PIK3C2B: variants seen among roughly 807,000 people sequenced by gnomAD.
The protein encoded by PIK3C2B is phosphatidylinositol-4-phosphate 3-kinase catalytic subunit type 2 beta.
PIK3C2B carries 83 observed loss-of-function variants against 184.3 expected under a neutral mutation model. That is an observed-to-expected ratio of 0.45 (90% CI 0.38 to 0.54). PIK3C2B has a LOEUF of 0.54. PIK3C2B is among the 20% of genes least tolerant of loss of function. PIK3C2B has a pLI of 0.00. For synonymous variants in PIK3C2B, 779 were observed against 837.6 expected, an observed-to-expected ratio of 0.93 and a Z score of 1.21; for missense variants, 1,736 against 2,113.5, an observed-to-expected ratio of 0.82 and a Z score of 3.50.
intron 1 of PIK3C2B, among the ~76,000 whole-genome samples, chr1:204,483,591 G>C (rs1657361243): frequency 6.6e-6 from 1 of 152,180 alleles, no homozygotes. Flanking sequence ...TGCATGGAAT[G>C]GTTATGGGTC....
intron 1 of PIK3C2B, among the ~76,000 whole-genome samples, chr1:204,482,193 C>A (rs913099385): frequency 6.6e-6 from 1 of 151,280 alleles, no homozygotes; most frequent in Non-Finnish European, 1.5e-5. Flanking sequence ...AGTGTAGGAA[C>A]CTCTTGCCCC....
chr1:204,459,595 T>A (rs1655155048), intron 8 of PIK3C2B, among the ~76,000 whole-genome samples: 1 of 152,174 alleles, frequency 6.6e-6, no homozygotes, highest in African/African-American at 2.4e-5. Flanking sequence ...AGCTCTAGGT[T>A]CCTTAGCTCT....
chr1:204,465,643 C>G (rs927748134), intron 2 of PIK3C2B, among the ~76,000 whole-genome samples: 1 of 152,014 alleles, frequency 6.6e-6, no homozygotes, highest in Non-Finnish European at 1.5e-5. Flanking sequence ...TCCTGCAACA[C>G]GGGCTTTCCG....
intron 1 of PIK3C2B, among the ~76,000 whole-genome samples, chr1:204,482,493 A>G (rs971642909): frequency 2.7e-4 from 41 of 152,226 alleles, no homozygotes; most frequent in Admixed American, 1.0e-3. Context: ...GCAACGCCTT[A>G]AGAGAGAACT....
rs917242012 is a variant in PIK3C2B, at chr1:204,446,109, T to A, written c.2525A>T (p.Lys842Met). The A allele has an allele frequency of 6.3e-7, 1 of 1,586,826 alleles. No individual in the cohort carries two copies. Among genetic ancestry groups the A allele is most frequent in the Non-Finnish European group, 8.6e-7 (1 of 1,163,544 alleles). ...CACCTCCGAGTGGCAGTAATATCGC[T>A]TCTCCCACAGGCGCTTCTTGTCAGC... ...TDADKKRLWE[K>M]RYYCHSEVSS... Residue 842 changes from lysine to methionine, a missense_variant, in exon 16 of 33, where the codon AAG becomes ATG. Physicochemically the swap from Lys to Met is moderately conservative, Grantham distance 95 (BLOSUM62 -1). Coordinates refer to ENST00000684373, the MANE Select transcript of PIK3C2B (RefSeq NM_001377334.1).
At chr1:204,427,136 CAA>C (rs569505441) in intron 31 of PIK3C2B, among the ~76,000 whole-genome samples, 1 of 132,844 alleles carries the variant, frequency 7.5e-6, no homozygotes. Flanking sequence ...AACTCCATTT[CAA>C]AAAAAAAAAA....
At position 204,469,660 on chromosome 1, in the gene PIK3C2B, C is replaced by G; in HGVS notation, c.143G>C (p.Arg48Thr). 6.2e-7 allele frequency: 1 copy of G among 1,614,018 alleles called. No homozygotes were observed. The highest frequency in any genetic ancestry group is 8.5e-7 in the Non-Finnish European group (1 of 1,179,978). ...SRLRHDKEEN[R>T]AKQNADPSLI... ...AGAGGGGTCTGCGTTCTGCTTGGCTCTGTTCTCCTCCTTGTCATGCCGGAG... is the reference window on the plus strand; with the variant it reads ...AGAGGGGTCTGCGTTCTGCTTGGCTGTGTTCTCCTCCTTGTCATGCCGGAG... The change falls in exon 2 of 33, where the codon AGA (arginine) becomes ACA (threonine). Residue 48 changes from arginine (R) to threonine (T), a missense_variant. By Grantham distance (71) the Arg-to-Thr change is moderately conservative. Transcript: ENST00000684373.
chr1:204,424,578 C>T lies in PIK3C2B; in HGVS notation c.*274G>A, dbSNP rs1241954406. The T allele has an allele frequency of 3.6e-6, 2 of 556,506 alleles. No individual in the cohort carries two copies. Among genetic ancestry groups the T allele is most frequent in the Non-Finnish European group, 6.9e-6 (2 of 287,938 alleles). The allele number at this position is 556,506 out of a possible 1,614,324, so 34.5% of individuals were successfully genotyped here. On this transcript the variant is annotated 3_prime_UTR_variant, in exon 33 of 33. Transcript: ENST00000684373. ...CACACTCCCCAAACCAAGCATTGCT[C>T]CCTTGACACAAGGTAAACTTAAAAC... is the stretch of plus-strand genomic sequence containing the variant.
chr1:204,464,087 G>A lies in PIK3C2B; in HGVS notation c.1235C>T (p.Thr412Ile), dbSNP rs1217520383. ...DLLIYQTLCY[T>I]HDDLRNVDVG... Reference sequence around the variant, plus strand: ...GTCCACATTCCTCAGGTCATCATGGGTGTAGCACAGGGTCTGGTAGATAAG... The same window carrying A: ...GTCCACATTCCTCAGGTCATCATGGATGTAGCACAGGGTCTGGTAGATAAG... Residue 412 changes from threonine (T) to isoleucine (I), a missense_variant, in exon 5 of 33, where the codon ACC (threonine) becomes ATC (isoleucine). By Grantham distance (89) the Thr-to-Ile change is moderately conservative. Transcript: ENST00000684373. The A allele has an allele frequency of 6.2e-7, 1 of 1,613,982 alleles. No individual in the cohort carries two copies. The highest frequency in any genetic ancestry group is 8.5e-7 in the Non-Finnish European group (1 of 1,179,934).
intron 5 of PIK3C2B, among the ~76,000 whole-genome samples, chr1:204,463,282 G>A (rs1318046): frequency 0.15 from 22,951 of 152,098 alleles, 2,208 homozygotes; most frequent in East Asian, 0.39. Flanking sequence ...GGGCAGGAGC[G>A]GCTCTGAAGC....
intron 1 of PIK3C2B, among the ~76,000 whole-genome samples, chr1:204,487,550 C>T (rs1053307517): frequency 5.9e-5 from 9 of 152,200 alleles, no homozygotes; most frequent in Non-Finnish European, 1.2e-4. Flanking sequence ...AACAGCTCCT[C>T]ATCATAGGAT....
rs1675157062 is a variant in PIK3C2B, at chr1:204,433,125, C to G, written c.3953+191G>C. On this transcript the variant is annotated intron_variant, in intron 26 of 32. Coordinates refer to ENST00000684373, the MANE Select transcript of PIK3C2B (RefSeq NM_001377334.1). This position sits in a 1 kb window ranked among gnomAD's most constrained non-coding sequence, Gnocchi z 5.0. ...TAGCACCAAAACACAGATGGGAAAC[C>G]AAGGCTGAGAGAAGCAAAATGATTT... is the stretch of plus-strand genomic sequence containing the variant. Among the ~76,000 whole-genome samples, 1 of 152,172 alleles carries G rather than the reference C, an allele frequency of 6.6e-6. No homozygotes were observed. Among genetic ancestry groups the G allele is most frequent in the South Asian group, 2.1e-4 (1 of 4,832 alleles).
intron 5 of PIK3C2B, among the ~76,000 whole-genome samples, chr1:204,463,683 C>T (rs1419912962): frequency 6.6e-6 from 1 of 152,124 alleles, no homozygotes; most frequent in African/African-American, 2.4e-5. Context: ...TACAGCACTA[C>T]CCATATAGTC....
At position 204,469,039 on chromosome 1, in the gene PIK3C2B, C is replaced by G. The variant is rs772990135; in HGVS notation, c.764G>C (p.Gly255Ala). Residue 255 changes from glycine (G) to alanine (A), a missense_variant, in exon 2 of 33, where the codon GGC becomes GCC. Coordinates refer to ENST00000684373, the MANE Select transcript of PIK3C2B (RefSeq NM_001377334.1). ...DAEMLRDATRGWKEGRGPLDF... is the reference protein window; with the variant it reads ...DAEMLRDATRAWKEGRGPLDF... ...CAGCGGCCCTCGGCCCTCCTTCCAG[C>G]CCCTGGTGGCATCCCGCAACATCTC... 1 of 1,614,210 alleles carries G rather than the reference C, an allele frequency of 6.2e-7. No individual in the cohort carries two copies. Among genetic ancestry groups the G allele is most frequent in the Admixed American group, 1.7e-5 (1 of 60,030 alleles).
At position 204,449,900 on chromosome 1, in the gene PIK3C2B, C is replaced by G; in HGVS notation, c.2184G>C (p.Arg728=). The G allele has an allele frequency of 1.2e-6, 2 of 1,613,896 alleles. No homozygotes were observed. Among genetic ancestry groups the G allele is most frequent in the Non-Finnish European group, 1.7e-6 (2 of 1,179,908 alleles). Residue 728 remains arginine (R), a synonymous_variant, in exon 13 of 33, where the codon CGG becomes CGC. Coordinates refer to ENST00000684373, the MANE Select transcript of PIK3C2B (RefSeq NM_001377334.1). ...TGACCCAGCCCAGGGCTTCAGGCAC[C>G]CGCCGCTGCTTATTGGCCTCTGAGG... The part of the protein sequence containing the change: ...GSSSEANKQR[R]VPEALGWVTT...
chr1:204,426,906 C>G (rs1314490420), intron 31 of PIK3C2B, among the ~76,000 whole-genome samples: 1 of 152,180 alleles, frequency 6.6e-6, no homozygotes, highest in African/African-American at 2.4e-5. Flanking sequence ...GAGGCTGAGA[C>G]AGACGGATCA....
intron 1 of PIK3C2B, among the ~76,000 whole-genome samples, chr1:204,485,900 A>G (rs1657549202): frequency 6.6e-6 from 1 of 152,130 alleles, no homozygotes. Context: ...TGGCTGTAAT[A>G]TAAGAGCAGT....
Position 204,433,729 on chromosome 1 carries a change from G to C in PIK3C2B, c.3843+64C>G. ...TAGAAATCCTCTGCGGCAAGACAGG[G>C]AAGTCTTAAAGATGATGCCAGATAA... On this transcript the variant is annotated intron_variant, in intron 25 of 32. Coordinates refer to ENST00000684373, the MANE Select transcript of PIK3C2B (RefSeq NM_001377334.1). This position sits in a 1 kb window ranked among gnomAD's most constrained non-coding sequence, Gnocchi z 5.0. 1 of 1,438,856 alleles carries C rather than the reference G, an allele frequency of 6.9e-7. No homozygotes were observed. Among genetic ancestry groups the C allele is most frequent in the South Asian group, 1.2e-5 (1 of 85,984 alleles). The allele number at this position is 1,438,856 out of a possible 1,614,324, so 89.1% of individuals were successfully genotyped here.
At chr1:204,465,172 C>CCTCCCCCAT in intron 3 of PIK3C2B, 47 bp downstream of exon 3, 1 of 820,646 alleles carries the variant, frequency 1.2e-6, no homozygotes, top group Non-Finnish European at 2.1e-6. Flanking sequence ...CCCCCCTCCC[C>CCTCCCCCAT]ATCCCCCATA....
Sources: gnomAD v4.1 joint callset for allele counts (sites outside exome capture counted in the v4.1 genomes callset) on GRCh38, gnomAD v4.1.1 for gene constraint, Gnocchi (gnomAD v3.1) non-coding constraint, MANE v1.5 for transcripts, NCBI Gene and HGNC (gene_info 2026-07-23, HGNC 2026-07-21) for gene names.